The following GRM7 variants were observed in gnomAD, a reference collection of about 807,000 sequenced individuals.
GRM7 encodes the protein glutamate metabotropic receptor 7, also known as metabotropic glutamate receptor 7.
Under a neutral mutation model 84.5 loss-of-function variants are expected in GRM7, and 35 were observed. That is an observed-to-expected ratio of 0.41 (90% CI 0.32 to 0.55). GRM7 has a LOEUF of 0.55. Among genes scored for constraint, GRM7 ranks in the 20% least tolerant of loss-of-function variants. The pLI is 0.19. For missense variants in GRM7, 1,003 were observed against 1,194.6 expected (o/e 0.84, Z 2.36); for synonymous variants, 487 against 455.1 (o/e 1.07, Z -0.89).
intron 1 of GRM7, among the ~76,000 whole-genome samples, chr3:6,980,248 A>G (rs561447203): frequency 3.3e-5 from 5 of 152,184 alleles, no homozygotes; most frequent in African/African-American, 7.2e-5. Context: ...TGATTACACA[A>G]TACTTACTGA....
At chr3:7,152,262 C>T (rs1246689319) in intron 2 of GRM7, among the ~76,000 whole-genome samples, 1 of 152,096 alleles carries the variant, frequency 6.6e-6, no homozygotes, top group African/African-American at 2.4e-5. Flanking sequence ...ACCTCTGAGA[C>T]CCACTTAATT....
At chr3:7,639,952 T>C (rs953756054) in intron 8 of GRM7, among the ~76,000 whole-genome samples, 2 of 152,216 alleles carry the variant, frequency 1.3e-5, no homozygotes, top group Non-Finnish European at 2.9e-5. Context: ...AATCATTCAG[T>C]ATATACTCTT....
intron 1 of GRM7, among the ~76,000 whole-genome samples, chr3:6,953,373 C>T (rs1692874746): frequency 6.6e-6 from 1 of 152,224 alleles, no homozygotes; most frequent in Non-Finnish European, 1.5e-5. Context: ...GTTGCCCTGA[C>T]AAGCCAACAT....
chr3:6,905,086 G>A (rs966524386), intron 1 of GRM7, among the ~76,000 whole-genome samples: 1 of 152,110 alleles, frequency 6.6e-6, no homozygotes, highest in Non-Finnish European at 1.5e-5. Flanking sequence ...AACTGCCTTA[G>A]TTGTCTGGAG....
chr3:7,594,408 A>G (rs1054946660), intron 8 of GRM7, among the ~76,000 whole-genome samples: 2 of 152,208 alleles, frequency 1.3e-5, no homozygotes, highest in African/African-American at 4.8e-5. Context: ...GCATAACTGC[A>G]CCCTGTAGCC....
At chr3:7,487,721 A>G (rs1173761762) in intron 7 of GRM7, among the ~76,000 whole-genome samples, 1 of 152,210 alleles carries the variant, frequency 6.6e-6, no homozygotes, top group Non-Finnish European at 1.5e-5. Context: ...CAAAGGATGT[A>G]TCCGGAAGAC....
At chr3:7,250,746 A>T (rs796232881) in intron 2 of GRM7, among the ~76,000 whole-genome samples, 19 of 151,936 alleles carry the variant, frequency 1.3e-4, no homozygotes, top group African/African-American at 4.3e-4. Flanking sequence ...CTGGTCTCGA[A>T]CTCCTGACCT....
rs1696361065 is a variant in GRM7 at position 6,900,963 on chromosome 3, A to G, written c.519+39056A>G. 2.0e-5 allele frequency among the ~76,000 whole-genome samples: 3 copies of G among 152,196 alleles called. 1 individual carries two copies. The South Asian group carries it at 6.2e-4, about 31-fold the overall frequency. Reference sequence around the variant, plus strand: ...AGATCATTTTGTTTGCATTTTTGTGATGCCTGCTCTACTCAGATTGAATAA... The same window carrying G: ...AGATCATTTTGTTTGCATTTTTGTGGTGCCTGCTCTACTCAGATTGAATAA... On this transcript the variant is annotated intron_variant, in intron 1 of 9. Transcript: ENST00000357716.
intron 7 of GRM7, among the ~76,000 whole-genome samples, chr3:7,473,764 G>A (rs1467900220): frequency 1.3e-5 from 2 of 152,106 alleles, no homozygotes; most frequent in Non-Finnish European, 2.9e-5. Context: ...CCAGTTGAGT[G>A]ATCAGTATTT....
intron 1 of GRM7, among the ~76,000 whole-genome samples, chr3:7,032,591 G>T (rs1199881347): frequency 1.3e-5 from 2 of 151,988 alleles, no homozygotes; most frequent in African/African-American, 2.4e-5. Flanking sequence ...TTCCCAGGGC[G>T]TTTTTTTCAG....
chr3:6,941,147 C>T (rs1697878858), intron 1 of GRM7, among the ~76,000 whole-genome samples: 1 of 152,130 alleles, frequency 6.6e-6, no homozygotes, highest in Non-Finnish European at 1.5e-5. Flanking sequence ...CGCCTGGGAA[C>T]CCGAAAGGCC....
intron 7 of GRM7, among the ~76,000 whole-genome samples, chr3:7,552,209 C>A (rs969603225): frequency 2.0e-5 from 3 of 152,222 alleles, no homozygotes; most frequent in African/African-American, 7.2e-5. Flanking sequence ...GACTCCATGT[C>A]TCACATTCAG....
intron 1 of GRM7, among the ~76,000 whole-genome samples, chr3:6,865,888 G>A (rs1694922776): frequency 6.6e-6 from 1 of 152,054 alleles, no homozygotes; most frequent in Non-Finnish European, 1.5e-5. Context: ...ATAAGTATAG[G>A]TGTCACTGCC....
At chr3:7,010,813 C>T (rs1289144879) in intron 1 of GRM7, among the ~76,000 whole-genome samples, 1 of 152,166 alleles carries the variant, frequency 6.6e-6, no homozygotes, top group Non-Finnish European at 1.5e-5. Flanking sequence ...TTGTGGGAAA[C>T]TGTCTGGGCA....
intron 1 of GRM7, among the ~76,000 whole-genome samples, chr3:7,031,736 A>G (rs1341550495): frequency 6.6e-6 from 1 of 152,068 alleles, no homozygotes; most frequent in Non-Finnish European, 1.5e-5. Flanking sequence ...TAACATATTC[A>G]TAGATGATTT....
chr3:7,229,768 T>A lies in GRM7; in HGVS notation c.737-68916T>A, dbSNP rs1475578622. ...ATATATATATATATATATTTTTTTTTTTTTTTGGTTGACAGGTGTTGAGTG... is the reference window on the plus strand; with the variant it reads ...ATATATATATATATATATTTTTTTTATTTTTTGGTTGACAGGTGTTGAGTG... On this transcript the variant is annotated intron_variant, in intron 2 of 9. Coordinates refer to ENST00000357716, the MANE Select transcript of GRM7 (RefSeq NM_000844.4). Among the ~76,000 whole-genome samples the A allele has an allele frequency of 9.3e-4, 112 of 119,964 alleles. 1 individual carries two copies. Among genetic ancestry groups the A allele is most frequent in the African/African-American group, 2.5e-3 (81 of 32,932 alleles). 78.7% of individuals were successfully genotyped at this position (119,964 alleles called of 152,430 possible). A position where few individuals can be genotyped will look rare whatever the true frequency, so the allele number is the denominator to read the frequency against.
At chr3:7,627,770 G>T (rs1697681561) in intron 8 of GRM7, among the ~76,000 whole-genome samples, 1 of 152,116 alleles carries the variant, frequency 6.6e-6, no homozygotes, top group African/African-American at 2.4e-5. Context: ...GCTCTCCTTG[G>T]CTTGCAGATG....
intron 2 of GRM7, among the ~76,000 whole-genome samples, chr3:7,208,362 G>T (rs1383701697): frequency 1.3e-5 from 2 of 152,176 alleles, no homozygotes; most frequent in African/African-American, 2.4e-5. Context: ...GGGCTAGATG[G>T]TCTGGAGCTA....
At chr3:7,200,964 ATTTTTTT>A (rs71625339) in intron 2 of GRM7, among the ~76,000 whole-genome samples, 8 of 98,160 alleles carry the variant, frequency 8.1e-5, no homozygotes, top group Non-Finnish European at 1.3e-4. Context: ...ACATTTCAGA[ATTTTTTT>A]TTTTTTTTTT....
Sources: allele counts gnomAD v4.1 joint callset (sites outside exome capture counted in the v4.1 genomes callset), GRCh38; gene constraint gnomAD v4.1.1; transcripts MANE v1.5; gene names NCBI Gene and HGNC (gene_info 2026-07-23, HGNC 2026-07-21).